Variants in MTO1 observed in about 807,000 individuals in gnomAD.
MTO1 encodes 5-taurinomethyluridine-[tRNA] synthase subunit MTO1, mitochondrial.
In MTO1, 46 loss-of-function variants were observed where a neutral mutation model predicts 71.6. That is an observed-to-expected ratio of 0.64 (90% CI 0.51 to 0.82). The LOEUF is 0.82. Among genes scored for constraint, MTO1 ranks in the 40% least tolerant of loss-of-function variants. MTO1 has a pLI of 0.00. For missense variants in MTO1, 773 were observed against 867.5 expected, an observed-to-expected ratio of 0.89 and a Z score of 1.37; for synonymous variants, 297 against 312.1, an observed-to-expected ratio of 0.95 and a Z score of 0.51.
rs1356372837 is a variant in MTO1 at position 73,503,674 on chromosome 6, A to C, written c.*2939A>C. ...TTCACCACAGACCAGACTGCCTACCAGTTGAAAAAGCCAGGTATTTTTTCA... is the reference window on the plus strand; with the variant it reads ...TTCACCACAGACCAGACTGCCTACCCGTTGAAAAAGCCAGGTATTTTTTCA... On this transcript the variant is annotated 3_prime_UTR_variant, in exon 12 of 12. Coordinates refer to ENST00000498286, the MANE Select transcript of MTO1 (RefSeq NM_012123.4). 1 of 152,228 alleles carries C rather than the reference A, an allele frequency of 6.6e-6. No individual in the cohort carries two copies. Among genetic ancestry groups the C allele is most frequent in the Non-Finnish European group, 1.5e-5 (1 of 68,038 alleles). 9.4% of individuals were successfully genotyped at this position (152,228 alleles called of 1,614,324 possible).
Position 73,504,197 on chromosome 6 carries a change from T to C in MTO1, c.*3462T>C, listed in dbSNP as rs1772229045. The C allele has an allele frequency of 1.3e-5, 2 of 152,346 alleles. 1 individual carries two copies. Among genetic ancestry groups the C allele is most frequent in the South Asian group, 4.1e-4 (2 of 4,832 alleles). The allele number at this position is 152,346 out of a possible 1,614,324, so 9.4% of individuals were successfully genotyped here. On this transcript the variant is annotated 3_prime_UTR_variant, in exon 12 of 12. Coordinates refer to ENST00000498286, the MANE Select transcript of MTO1 (RefSeq NM_012123.4). ...CCCTGGCTGGAGTGCAGTGGCATGA[T>C]TACAGCTCACTGCAGCCTCAACCTC... is the stretch of plus-strand genomic sequence containing the variant.
rs201035809 is a variant in MTO1, at chr6:73,506,682, C to CTTTTTTTTTTTT, written c.*5959_*5970dup. ...AATGAACTAATACAGTGTTTTATCA[C>CTTTTTTTTTTTT]TTTTTTTTTTTTTTTTTTTTTTTGA... On this transcript the variant is annotated 3_prime_UTR_variant, in exon 12 of 12. Transcript: ENST00000498286. 1.8e-5 allele frequency: 1 copy of CTTTTTTTTTTTT among 56,928 alleles called. No individual in the cohort carries two copies. The highest frequency in any genetic ancestry group is 6.5e-5 in the African/African-American group (1 of 15,434). 3.5% of individuals were successfully genotyped at this position (56,928 alleles called of 1,614,324 possible). A position where few individuals can be genotyped will look rare whatever the true frequency, so the allele number is the denominator to read the frequency against.
At chr6:73,464,056 TAAAAAATA>T (rs1227484066) in intron 1 of MTO1, 2 of 152,092 alleles carry the variant, frequency 1.3e-5, no homozygotes, top group South Asian at 2.1e-4. Context: ...TTTATATTTT[TAAAAAATA>T]AAGACCTAGT....
chr6:73,490,365 A>G (rs1203799681), intron 9 of MTO1, among the ~76,000 whole-genome samples: 1 of 152,212 alleles, frequency 6.6e-6, no homozygotes, highest in South Asian at 2.1e-4. Flanking sequence ...GTCCTTGCCC[A>G]TGCCTATGTC....
intron 11 of MTO1, among the ~76,000 whole-genome samples, chr6:73,499,950 T>A (rs1286610242): frequency 6.6e-6 from 1 of 152,244 alleles, no homozygotes; most frequent in Non-Finnish European, 1.5e-5. Context: ...AGGTACCGCC[T>A]CAAGGATTAG....
At position 73,482,148 on chromosome 6, in the gene MTO1, C is replaced by G. The variant is rs1350457270; in HGVS notation, c.1369C>G (p.Leu457Val). The change falls in exon 8 of 12, where the codon CTG (leucine) becomes GTG (valine). Residue 457 changes from leucine to valine, a missense_variant. Leu to Val is a conservative substitution (Grantham distance 32, BLOSUM62 1). Transcript: ENST00000498286. ...IGVLIDDLTTLGTSEPYRMFT... is the reference protein window; with the variant it reads ...IGVLIDDLTTVGTSEPYRMFT... ...AGTCTTGATTGATGACCTCACTACTCTGGGCACCAGTGAACCATACCGCAT... is the reference window on the plus strand; with the variant it reads ...AGTCTTGATTGATGACCTCACTACTGTGGGCACCAGTGAACCATACCGCAT... 1 of 1,614,070 alleles carries G rather than the reference C, an allele frequency of 6.2e-7. No individual in the cohort carries two copies.
At chr6:73,477,139 T>TA (rs1349803766) in intron 4 of MTO1, among the ~76,000 whole-genome samples, 1 of 150,298 alleles carries the variant, frequency 6.7e-6, no homozygotes, top group East Asian at 2.1e-4. Flanking sequence ...CTCATGCCTA[T>TA]AATCCTAGCA....
At chr6:73,486,871 C>A in intron 9 of MTO1, 1 of 167,940 alleles carries the variant, frequency 6.0e-6, no homozygotes, top group South Asian at 1.2e-4. Context: ...GTGGGAGGAT[C>A]CTTTGAACCC....
At position 73,466,488 on chromosome 6, in the gene MTO1, GA is replaced by G. The variant is rs1770996141; in HGVS notation, c.420del (p.Glu141LysfsTer3). 6.2e-7 allele frequency: 1 copy of G among 1,613,594 alleles called. No individual in the cohort carries two copies. On this transcript the variant is annotated frameshift_variant and splice_region_variant, in exon 3 of 12. Coordinates refer to ENST00000498286, the MANE Select transcript of MTO1 (RefSeq NM_012123.4). LOFTEE classifies it high-confidence loss of function. Reference sequence around the variant, plus strand: ...TTTCAACTGGCATTTTCTTTTGACAGAAAGAAATCTTGAATACACCACTGCT... The same window carrying G: ...TTTCAACTGGCATTTTCTTTTGACAGAAGAAATCTTGAATACACCACTGCT... The part of the protein sequence containing the change: ...DRKLYKQNMQ[K>X]EILNTPLLTV...
intron 4 of MTO1, among the ~76,000 whole-genome samples, chr6:73,474,033 C>T (rs1008440699): frequency 6.6e-6 from 1 of 150,760 alleles, no homozygotes; most frequent in African/African-American, 2.4e-5. Flanking sequence ...GGATCCACCC[C>T]CCTTGGCCTC....
intron 9 of MTO1, among the ~76,000 whole-genome samples, chr6:73,490,322 T>G (rs1421869479): frequency 6.6e-6 from 1 of 152,236 alleles, no homozygotes; most frequent in African/African-American, 2.4e-5. Flanking sequence ...TTTTGGCATT[T>G]GTTGCCATTG....
chr6:73,493,529 T>C (rs1328884246), intron 10 of MTO1, among the ~76,000 whole-genome samples: 1 of 151,780 alleles, frequency 6.6e-6, no homozygotes, highest in East Asian at 1.9e-4. Context: ...TAGCTGGGGT[T>C]ACAGGGCCCC....
chr6:73,462,883 T>C (rs1486837431), intron 1 of MTO1, among the ~76,000 whole-genome samples: 2 of 152,112 alleles, frequency 1.3e-5, no homozygotes, highest in Non-Finnish European at 2.9e-5. Flanking sequence ...CATTACAGGC[T>C]CCGCTTTCTG....
At chr6:73,494,981 C>T (rs988247969) in intron 10 of MTO1, among the ~76,000 whole-genome samples, 1 of 151,392 alleles carries the variant, frequency 6.6e-6, no homozygotes, top group Non-Finnish European at 1.5e-5. Context: ...CAGTGTTTCA[C>T]CATGTTGGCC....
chr6:73,508,135 T>C lies in MTO1; in HGVS notation c.*7400T>C, dbSNP rs1225146647. The C allele has an allele frequency of 6.6e-6, 1 of 152,240 alleles. No homozygotes were observed. The highest frequency in any genetic ancestry group is 1.5e-5 in the Non-Finnish European group (1 of 68,042). 9.4% of individuals were successfully genotyped at this position (152,240 alleles called of 1,614,324 possible). ...TAATTAGCCATTATGGCACTCACTCTATTTCAAAGGTTATCCCAGAATTTG... is the reference window on the plus strand; with the variant it reads ...TAATTAGCCATTATGGCACTCACTCCATTTCAAAGGTTATCCCAGAATTTG... On this transcript the variant is annotated 3_prime_UTR_variant, in exon 12 of 12. Coordinates refer to ENST00000498286, the MANE Select transcript of MTO1 (RefSeq NM_012123.4).
chr6:73,472,024 A>C (rs1394577219), intron 3 of MTO1, among the ~76,000 whole-genome samples: 1 of 152,138 alleles, frequency 6.6e-6, no homozygotes, highest in Non-Finnish European at 1.5e-5. Context: ...ACAAAACCTT[A>C]ATGTGTAAAT....
chr6:73,469,985 C>T (rs1038884096), intron 3 of MTO1, among the ~76,000 whole-genome samples: 11 of 151,844 alleles, frequency 7.2e-5, no homozygotes, highest in African/African-American at 1.9e-4. Context: ...AGCCTGGTAA[C>T]GAGCAAAACT....
At position 73,498,562 on chromosome 6, in the gene MTO1, C is replaced by T. The variant is rs534569083; in HGVS notation, c.1917+666C>T. Among the ~76,000 whole-genome samples, 3 of 151,852 alleles carry T rather than the reference C, an allele frequency of 2.0e-5. No homozygotes were observed. In the East Asian group the frequency reaches 5.8e-4, roughly 29 times the overall value. ...AAATGCCCCCACCACGTGCTTCAGA[C>T]TAATTGTGAGAGGGTATATGCATGT... On this transcript the variant is annotated intron_variant, in intron 11 of 11. Transcript: ENST00000498286.
chr6:73,486,149 T>A (rs1771647153), intron 9 of MTO1, among the ~76,000 whole-genome samples: 1 of 152,092 alleles, frequency 6.6e-6, no homozygotes, highest in African/African-American at 2.4e-5. Context: ...AACAGATTTT[T>A]TTAAAACTAT....
Sources: gnomAD v4.1 joint callset for allele counts (sites outside exome capture counted in the v4.1 genomes callset) on GRCh38, gnomAD v4.1.1 for gene constraint, MANE v1.5 for transcripts, NCBI Gene and HGNC (gene_info 2026-07-23, HGNC 2026-07-21) for gene names.